Variants in LIMS1 observed in about 807,000 individuals in gnomAD.
LIMS1 encodes LIM and senescent cell antigen-like-containing domain protein 1.
A neutral mutation model predicts 44.1 loss-of-function variants in LIMS1; 18 were observed. That is an observed-to-expected ratio of 0.41 (90% CI 0.28 to 0.61). The LOEUF (loss-of-function observed/expected upper bound fraction) is 0.61. Ranked by LOEUF, LIMS1 falls within the 20% of genes least tolerant of loss-of-function variation. LIMS1 has a pLI of 0.32. For missense variants in LIMS1, 201 were observed against 422.0 expected (o/e 0.48, Z 4.59); for synonymous variants, 93 against 149.1 (o/e 0.62, Z 2.74).
intron 1 of LIMS1, among the ~76,000 whole-genome samples, chr2:108,593,165 AT>A (rs1686492594): frequency 6.6e-6 from 1 of 152,146 alleles, no homozygotes; most frequent in East Asian, 1.9e-4. Context: ...CTCCTTTAAG[AT>A]CCAGAATTAC....
exon 1 of LIMS1, chr2:108,534,588 C>T: frequency 8.5e-7 from 1 of 1,173,264 alleles, no homozygotes; most frequent in Non-Finnish European, 1.1e-6. Flanking sequence ...GCCGGGATGA[C>T]CCACAGGTAC....
intron 1 of LIMS1, among the ~76,000 whole-genome samples, chr2:108,645,751 C>A (rs187791079): frequency 6.6e-6 from 1 of 151,892 alleles, no homozygotes; most frequent in East Asian, 1.9e-4. Flanking sequence ...GGAGACCCAT[C>A]CCACGTGGAG....
chr2:108,637,099 A>ATG (rs74315160), intron 1 of LIMS1, among the ~76,000 whole-genome samples: 12,147 of 98,182 alleles, frequency 0.12, 532 homozygotes, highest in South Asian at 0.17. Context: ...ATATACATAT[A>ATG]TGTGTGTGTG....
At chr2:108,585,880 A>T (rs766207001) in intron 1 of LIMS1, among the ~76,000 whole-genome samples, 2 of 152,130 alleles carry the variant, frequency 1.3e-5, no homozygotes, top group Admixed American at 6.5e-5. Context: ...AGTAAATAGG[A>T]GTTGAGATAA....
chr2:108,595,751 A>T (rs1686649166), intron 1 of LIMS1, among the ~76,000 whole-genome samples: 1 of 152,176 alleles, frequency 6.6e-6, no homozygotes, highest in South Asian at 2.1e-4. Context: ...AAAACATTAG[A>T]ATTAGAGTCC....
intron 1 of LIMS1, among the ~76,000 whole-genome samples, chr2:108,551,644 A>G (rs138643644): frequency 1.4e-5 from 2 of 142,082 alleles, no homozygotes; most frequent in East Asian, 2.0e-4. Context: ...ATATGTATAT[A>G]TGTGTATATA....
chr2:108,558,347 A>G (rs1573325133), intron 1 of LIMS1, among the ~76,000 whole-genome samples: 1 of 151,774 alleles, frequency 6.6e-6, no homozygotes, highest in East Asian at 1.9e-4. Flanking sequence ...ACTCCCAAGT[A>G]GCTGGGACTA....
At chr2:108,608,307 CT>C (rs113575713) in intron 1 of LIMS1, among the ~76,000 whole-genome samples, 108 of 140,686 alleles carry the variant, frequency 7.7e-4, no homozygotes, top group Admixed American at 1.2e-3. Context: ...TTTTCACTCA[CT>C]TTTTTTTTTT....
intron 1 of LIMS1, among the ~76,000 whole-genome samples, chr2:108,559,050 G>C (rs1212089933): frequency 6.6e-6 from 1 of 152,202 alleles, no homozygotes. Context: ...CCCACCGTTA[G>C]GGCAGGCTGA....
chr2:108,551,487 GCGCGCACA>G lies in LIMS1; in HGVS notation c.32+16895_32+16902del, dbSNP rs1184935694. 3.9e-3 allele frequency among the ~76,000 whole-genome samples: 385 copies of G among 99,100 alleles called. 1 individual carries two copies. Among genetic ancestry groups the G allele is most frequent in the African/African-American group, 0.014 (361 of 25,144 alleles). The allele number at this position is 99,100 out of a possible 152,430, so 65.0% of individuals were successfully genotyped here. ...ACACTCTATATACATATATGCGCGC[GCGCGCACA>G]CACACACACACACACACACACACAC... On this transcript the variant is annotated intron_variant, in intron 1 of 9. Coordinates refer to ENST00000544547, the Ensembl canonical transcript of LIMS1.
chr2:108,621,271 G>T, intron 1 of LIMS1: 1 of 1,529,840 alleles, frequency 6.5e-7, no homozygotes. Flanking sequence ...AGGTCCCTCG[G>T]CAAGGGACGC....
intron 3 of LIMS1, among the ~76,000 whole-genome samples, chr2:108,671,756 G>A (rs1289827696): frequency 2.4e-4 from 36 of 152,204 alleles, no homozygotes; most frequent in Non-Finnish European, 4.7e-4. Flanking sequence ...CTAGTAGCTC[G>A]TTTGGACAGG....
At chr2:108,685,982 TCTC>T (rs1558849370) in exon 10 of LIMS1, 1 of 152,184 alleles carries the variant, frequency 6.6e-6, no homozygotes, top group Non-Finnish European at 1.5e-5. Flanking sequence ...TACCCAGGCA[TCTC>T]CTGCAGCCAG....
chr2:108,680,689 C>G lies in LIMS1; in HGVS notation c.824-6C>G, dbSNP rs200615079. 8.4e-4 allele frequency: 1,353 copies of G among 1,608,582 alleles called. 9 individuals carry two copies. The Middle Eastern group carries it at 0.012, about 14-fold the overall frequency. On this transcript the variant is annotated splice_polypyrimidine_tract_variant and splice_region_variant and intron_variant, in intron 8 of 9. Coordinates refer to ENST00000544547, the Ensembl canonical transcript of LIMS1. ...ATGTGACCAGATCTCTTTCCTCTTT[C>G]TCCAGTGGTCTCTGCTCTTAATAAG...
rs1184539748 is a variant in LIMS1, at chr2:108,635,429, T to TTA, written c.33-24176_33-24175insTA. 5.9e-3 allele frequency among the ~76,000 whole-genome samples: 512 copies of TTA among 86,702 alleles called. 6 individuals carry two copies. Among genetic ancestry groups the TTA allele is most frequent in the African/African-American group, 0.024 (480 of 20,338 alleles). 56.9% of individuals were successfully genotyped at this position (86,702 alleles called of 152,430 possible). A position where few individuals can be genotyped will look rare whatever the true frequency, so the allele number is the denominator to read the frequency against. ...GGGGGAAAGAGCAAGACTTCATCTC[T>TTA]AAAAAAAAAAAAAAAAAAAAAGAAT... On this transcript the variant is annotated intron_variant, in intron 1 of 9. Transcript: ENST00000544547.
intron 2 of LIMS1, among the ~76,000 whole-genome samples, chr2:108,668,372 C>T (rs1691935137): frequency 6.6e-6 from 1 of 152,202 alleles, no homozygotes; most frequent in Non-Finnish European, 1.5e-5. Flanking sequence ...ATCCCCTCCA[C>T]TCCATTCTCC....
chr2:108,578,456 T>C (rs1685752531), intron 1 of LIMS1, among the ~76,000 whole-genome samples: 1 of 152,192 alleles, frequency 6.6e-6, no homozygotes, highest in South Asian at 2.1e-4. Flanking sequence ...ATAAGGAATA[T>C]CTGCACTTTC....
At chr2:108,561,746 G>GTT (rs200154866) in intron 1 of LIMS1, among the ~76,000 whole-genome samples, 4,708 of 133,996 alleles carry the variant, frequency 0.035, 187 homozygotes, top group South Asian at 0.14. Context: ...GTTTTTTTTT[G>GTT]TTTTTTTTTT....
chr2:108,555,292 C>T (rs1277268307), intron 1 of LIMS1, among the ~76,000 whole-genome samples: 3 of 152,128 alleles, frequency 2.0e-5, no homozygotes, highest in Admixed American at 2.0e-4. Context: ...CCACTGGCAG[C>T]CATTCTGTGA....
Sources: gnomAD v4.1 joint callset for allele counts (sites outside exome capture counted in the v4.1 genomes callset) on GRCh38, gnomAD v4.1.1 for gene constraint, MANE v1.5 for transcripts, NCBI Gene and HGNC (gene_info 2026-07-23, HGNC 2026-07-21) for gene names.